The following FOXN3 variants were observed in gnomAD, a reference collection of about 807,000 sequenced individuals.
FOXN3 encodes forkhead box protein N3.
In FOXN3, 7 loss-of-function variants were observed where a neutral mutation model predicts 38.4. The ratio of observed to expected loss-of-function variants is 0.18; its 90% CI spans 0.10 to 0.34. The LOEUF (loss-of-function observed/expected upper bound fraction) is 0.34, where lower values mean the gene tolerates loss of function less well. Ranked by LOEUF, FOXN3 falls within the 10% of genes least tolerant of loss-of-function variation. The probability of loss-of-function intolerance (pLI) is 1.00; values close to 1 mark genes in which losing one functional copy is unlikely to be tolerated. For synonymous variants in FOXN3, 230 were observed against 242.2 expected (o/e 0.95, Z 0.47); for missense variants, 456 against 613.4 (o/e 0.74, Z 2.71).
At chr14:89,588,213 T>C (rs1895883779) in intron 1 of FOXN3, among the ~76,000 whole-genome samples, 1 of 152,092 alleles carries the variant, frequency 6.6e-6, no homozygotes, top group Non-Finnish European at 1.5e-5. Flanking sequence ...TGCTCCCCCT[T>C]TGCCTTCTGC....
chr14:89,213,540 C>T (rs957779976), intron 4 of FOXN3, among the ~76,000 whole-genome samples: 14 of 152,212 alleles, frequency 9.2e-5, no homozygotes, highest in African/African-American at 3.4e-4. Flanking sequence ...TTTCAAAACC[C>T]TACCTTAAGG....
In FOXN3 at chr14:89,417,164, G is replaced by C. The variant is rs1174227772; in HGVS notation, c.-308C>G. On this transcript the variant is annotated 5_prime_UTR_variant, in exon 1 of 6. Transcript: ENST00000557258. ...CCCGCCTCCCGCTCGCCTCCGCCGC[G>C]GCGCGTCGGGCCGGGGCGCGCCGAG... The C allele has an allele frequency of 5.6e-5, 8 of 144,058 alleles. No homozygotes were observed. The highest frequency in any genetic ancestry group is 1.7e-4 in the African/African-American group (7 of 40,336). The allele number at this position is 144,058 out of a possible 1,614,324, so 8.9% of individuals were successfully genotyped here. A position where few individuals can be genotyped will look rare whatever the true frequency, so the allele number is the denominator to read the frequency against.
intron 1 of FOXN3, among the ~76,000 whole-genome samples, chr14:89,431,880 A>G (rs1892166723): frequency 6.6e-6 from 1 of 151,984 alleles, no homozygotes; most frequent in African/African-American, 2.4e-5. Flanking sequence ...ACGTCCAGCT[A>G]ATTTTTGTAT....
At chr14:89,425,657 G>A (rs563724397) in intron 1 of FOXN3, among the ~76,000 whole-genome samples, 7 of 152,222 alleles carry the variant, frequency 4.6e-5, no homozygotes, top group Admixed American at 3.3e-4. Context: ...GAGCCACCGC[G>A]CCCAGCCTAT....
At chr14:89,570,540 T>G (rs181999678) in intron 1 of FOXN3, among the ~76,000 whole-genome samples, 1 of 152,258 alleles carries the variant, frequency 6.6e-6, no homozygotes, top group East Asian at 1.9e-4. Flanking sequence ...GCTAAGGCCA[T>G]AAAGCCATGG....
intron 5 of FOXN3, among the ~76,000 whole-genome samples, chr14:89,176,255 C>A (rs949782034): frequency 1.3e-5 from 2 of 152,084 alleles, no homozygotes; most frequent in African/African-American, 4.8e-5. Context: ...AGGAACCTGG[C>A]AAATAGAAGC....
intron 1 of FOXN3, among the ~76,000 whole-genome samples, chr14:89,584,110 C>T (rs1332352883): frequency 1.3e-5 from 2 of 151,608 alleles, no homozygotes; most frequent in South Asian, 2.1e-4. Flanking sequence ...CTGCCTGCCT[C>T]GGCCTCTCAA....
chr14:89,413,828 G>A (rs892806991), intron 1 of FOXN3, among the ~76,000 whole-genome samples: 1 of 145,824 alleles, frequency 6.9e-6, no homozygotes, highest in South Asian at 2.3e-4. Context: ...GGAAAAGGAA[G>A]GGAAGGGAGG....
At chr14:89,288,070 T>A (rs111300906) in intron 3 of FOXN3, among the ~76,000 whole-genome samples, 289 of 11,636 alleles carry the variant, frequency 0.025, no homozygotes, top group East Asian at 0.077. Flanking sequence ...CAAAAAAAAA[T>A]ATATATATAT....
intron 1 of FOXN3, among the ~76,000 whole-genome samples, chr14:89,550,298 G>A (rs972831129): frequency 1.4e-4 from 21 of 152,234 alleles, no homozygotes; most frequent in Admixed American, 1.0e-3. Flanking sequence ...AGACTTGACA[G>A]GGCAGGTCTT....
intron 3 of FOXN3, among the ~76,000 whole-genome samples, chr14:89,335,076 AT>A (rs1337694570): frequency 3.4e-5 from 3 of 88,068 alleles, no homozygotes; most frequent in East Asian, 3.9e-4. Flanking sequence ...CTATTTTCAT[AT>A]CACACACACA....
intron 4 of FOXN3, among the ~76,000 whole-genome samples, chr14:89,232,821 G>A (rs1442572302): frequency 6.6e-6 from 1 of 152,186 alleles, no homozygotes; most frequent in Non-Finnish European, 1.5e-5. Flanking sequence ...GCACGGCAAT[G>A]ATAATTTCAT....
rs1195444024 is a variant in FOXN3 at position 89,359,385 on chromosome 14, C to T, written c.544-8577G>A. Among the ~76,000 whole-genome samples, 3 of 152,016 alleles carry T rather than the reference C, an allele frequency of 2.0e-5. No homozygotes were observed. The East Asian group carries it at 5.8e-4, about 29-fold the overall frequency. On this transcript the variant is annotated intron_variant, in intron 2 of 5. Transcript: ENST00000557258. ...GCCAGCTTTCCTTGACACTGAGCTC[C>T]AAACCATTCAGTGCCTGCCTGATGG...
chr14:89,277,880 T>A (rs1458005043), intron 4 of FOXN3, among the ~76,000 whole-genome samples: 1 of 152,214 alleles, frequency 6.6e-6, no homozygotes, highest in Non-Finnish European at 1.5e-5. Flanking sequence ...GTTGCTATGG[T>A]CTCTGTGAAG....
At chr14:89,599,965 A>G (rs1452487157) in intron 1 of FOXN3, among the ~76,000 whole-genome samples, 2 of 152,182 alleles carry the variant, frequency 1.3e-5, no homozygotes, top group Non-Finnish European at 2.9e-5. Flanking sequence ...CAAGAAGATA[A>G]AACTCAAAAG....
intron 4 of FOXN3, among the ~76,000 whole-genome samples, chr14:89,278,441 T>A (rs1374133539): frequency 2.0e-5 from 3 of 152,196 alleles, no homozygotes; most frequent in Non-Finnish European, 4.4e-5. Context: ...TCCTGCATTA[T>A]TGAGTCCTGG....
intron 1 of FOXN3, among the ~76,000 whole-genome samples, chr14:89,495,985 C>T (rs1893672677): frequency 6.6e-6 from 1 of 152,132 alleles, no homozygotes; most frequent in African/African-American, 2.4e-5. Context: ...GAGGCTGAAG[C>T]GGGTGGATCA....
intron 1 of FOXN3, among the ~76,000 whole-genome samples, chr14:89,464,043 C>T (rs1395586599): frequency 6.6e-5 from 10 of 151,212 alleles, no homozygotes; most frequent in African/African-American, 2.5e-4. Context: ...CTCGACCCCC[C>T]AAAGTGCTGG....
At chr14:89,417,934 G>C, upstream of FOXN3, 1 of 339,478 alleles carries the variant, frequency 2.9e-6, no homozygotes, top group Non-Finnish European at 5.9e-6. Flanking sequence ...CGCCCCGGCC[G>C]GCCTAGAGAG....
Sources: gnomAD v4.1 joint callset for allele counts (sites outside exome capture counted in the v4.1 genomes callset) on GRCh38, gnomAD v4.1.1 for gene constraint, MANE v1.5 for transcripts, NCBI Gene and HGNC (gene_info 2026-07-23, HGNC 2026-07-21) for gene names.